The following GNA12 variants were observed in gnomAD, a reference collection of about 807,000 sequenced individuals.
The protein encoded by GNA12 is G protein subunit alpha 12.
Under a neutral mutation model 26.0 loss-of-function variants are expected in GNA12, and 9 were observed. The observed-to-expected ratio is 0.35, with a 90% CI of 0.21 to 0.60. The LOEUF is 0.60. GNA12 is among the 20% of genes least tolerant of loss of function. GNA12 has a pLI of 0.78. For synonymous variants in GNA12, 264 were observed against 219.6 expected (o/e 1.20, Z -1.79); for missense variants, 405 against 525.8 (o/e 0.77, Z 2.25).
chr7:2,822,771 C>T (rs1793396799), intron 1 of GNA12, among the ~76,000 whole-genome samples: 2 of 152,306 alleles, frequency 1.3e-5, no homozygotes, highest in South Asian at 4.1e-4. Flanking sequence ...ATGATCGCCC[C>T]ACTGCACTCC....
chr7:2,784,282 T>A (rs965236288), intron 2 of GNA12, among the ~76,000 whole-genome samples: 44 of 152,058 alleles, frequency 2.9e-4, no homozygotes, highest in Admixed American at 2.9e-3. Context: ...CACACCTGGA[T>A]AATCTTTTTG....
chr7:2,767,691 T>C (rs1240807734), intron 2 of GNA12, among the ~76,000 whole-genome samples: 2 of 152,226 alleles, frequency 1.3e-5, no homozygotes, highest in Non-Finnish European at 2.9e-5. Flanking sequence ...TTTAAACCCT[T>C]AGCACCAGAT....
At chr7:2,778,331 G>A (rs1792130790) in intron 2 of GNA12, among the ~76,000 whole-genome samples, 1 of 152,210 alleles carries the variant, frequency 6.6e-6, no homozygotes, top group African/African-American at 2.4e-5. Flanking sequence ...TTTTTCACAA[G>A]AGCAGGCTGG....
At chr7:2,742,005 G>T (rs1045885953) in intron 2 of GNA12, among the ~76,000 whole-genome samples, 1 of 151,584 alleles carries the variant, frequency 6.6e-6, no homozygotes, top group Non-Finnish European at 1.5e-5. Context: ...CATTTAATCT[G>T]AAACACTTGA....
chr7:2,830,255 C>A (rs1793571694), intron 1 of GNA12, among the ~76,000 whole-genome samples: 1 of 152,164 alleles, frequency 6.6e-6, no homozygotes, highest in African/African-American at 2.4e-5. Flanking sequence ...TTCTTTTTGC[C>A]TTGGGTGCTG....
At chr7:2,815,876 C>G (rs1793207139) in intron 1 of GNA12, among the ~76,000 whole-genome samples, 1 of 152,260 alleles carries the variant, frequency 6.6e-6, no homozygotes. Context: ...TACACAAACA[C>G]TGAATTTTTC....
chr7:2,831,751 A>G (rs1328226432), intron 1 of GNA12, among the ~76,000 whole-genome samples: 5 of 152,186 alleles, frequency 3.3e-5, no homozygotes, highest in Non-Finnish European at 5.9e-5. Context: ...AAAAATATAA[A>G]TAGTTATTAG....
intron 2 of GNA12, among the ~76,000 whole-genome samples, chr7:2,745,383 T>G (rs374064762): frequency 2.2e-4 from 33 of 152,086 alleles, no homozygotes; most frequent in Admixed American, 4.6e-4. Flanking sequence ...TTAAAGAAAA[T>G]AATTTTCAAC....
chr7:2,748,868 C>G (rs1364852741), intron 2 of GNA12, among the ~76,000 whole-genome samples: 3 of 152,180 alleles, frequency 2.0e-5, no homozygotes, highest in African/African-American at 7.2e-5. Context: ...ACAGACACTT[C>G]TCAAAAAAAG....
intron 1 of GNA12, among the ~76,000 whole-genome samples, chr7:2,796,109 GCCCGCCTCAGCCTC>G (rs1792664966): frequency 6.9e-6 from 1 of 144,238 alleles, no homozygotes; most frequent in Admixed American, 6.7e-5. Flanking sequence ...CAGCTGATCC[GCCCGCCTCAGCCTC>G]CCCGCCAAAA....
chr7:2,831,442 C>T (rs565679378), intron 1 of GNA12, among the ~76,000 whole-genome samples: 6 of 130,146 alleles, frequency 4.6e-5, no homozygotes, highest in East Asian at 2.1e-4. Context: ...CTCACTCTGT[C>T]GCCCAGGCTG....
chr7:2,840,348 C>T (rs1778954909), intron 1 of GNA12, among the ~76,000 whole-genome samples: 1 of 152,154 alleles, frequency 6.6e-6, no homozygotes, highest in Admixed American at 6.5e-5. Flanking sequence ...ATGTCTCTAT[C>T]CTCAATTTCC....
intron 2 of GNA12, among the ~76,000 whole-genome samples, chr7:2,781,348 G>A (rs1006827587): frequency 1.0e-4 from 15 of 150,588 alleles, no homozygotes; most frequent in East Asian, 2.0e-4. Context: ...ACACACACAC[G>A]CACACGTTAA....
chr7:2,778,287 C>T (rs1024406624), intron 2 of GNA12, among the ~76,000 whole-genome samples: 26 of 152,344 alleles, frequency 1.7e-4, no homozygotes, highest in Admixed American at 1.6e-3. Context: ...CACAAAACCT[C>T]TCCTAAGAAC....
chr7:2,731,591 T>C lies in GNA12; in HGVS notation c.736A>G (p.Thr246Ala). 1 of 1,613,718 alleles carries C rather than the reference T, an allele frequency of 6.2e-7. No homozygotes were observed. Among genetic ancestry groups the C allele is most frequent in the South Asian group, 1.1e-5 (1 of 91,052 alleles). Residue 246 changes from threonine to alanine, a missense_variant, in exon 4 of 4, where the codon ACG becomes GCG. By Grantham distance (58) the Thr-to-Ala change is moderately conservative (BLOSUM62 0). Transcript: ENST00000275364. This position sits in a 1 kb window ranked among gnomAD's most constrained non-coding sequence, Gnocchi z 6.0. ...QKWFQCFDGI[T>A]SILFMVSSSE... ...GAGGAGACCATGAACAGGATGGACG[T>C]GATCCCGTCGAAGCACTGGAACCAC... is the stretch of plus-strand genomic sequence containing the variant.
At chr7:2,840,638 C>T (rs532106564) in intron 1 of GNA12, among the ~76,000 whole-genome samples, 2 of 152,268 alleles carry the variant, frequency 1.3e-5, no homozygotes, top group East Asian at 3.9e-4. Context: ...GCAGGTGGTT[C>T]GCTTGAGTTC....
At chr7:2,757,023 G>A (rs908634571) in intron 2 of GNA12, among the ~76,000 whole-genome samples, 1 of 151,994 alleles carries the variant, frequency 6.6e-6, no homozygotes, top group African/African-American at 2.4e-5. Context: ...GCAGTGAACC[G>A]TGATTGTGCC....
chr7:2,792,055 C>T (rs927914079), intron 2 of GNA12, among the ~76,000 whole-genome samples: 1 of 152,170 alleles, frequency 6.6e-6, no homozygotes, highest in Non-Finnish European at 1.5e-5. Flanking sequence ...AGCATAAGAT[C>T]GAACCAAAGG....
At chr7:2,742,848 T>C (rs1221587102) in intron 2 of GNA12, among the ~76,000 whole-genome samples, 2 of 152,260 alleles carry the variant, frequency 1.3e-5, no homozygotes, top group South Asian at 2.1e-4. Context: ...TGCTAGTGAA[T>C]AGAAATACAA....
Sources: gnomAD v4.1 joint callset for allele counts (sites outside exome capture counted in the v4.1 genomes callset) on GRCh38, gnomAD v4.1.1 for gene constraint, Gnocchi (gnomAD v3.1) non-coding constraint, MANE v1.5 for transcripts, NCBI Gene and HGNC (gene_info 2026-07-23, HGNC 2026-07-21) for gene names.